The following CALD1 variants were observed in gnomAD, a reference collection of about 807,000 sequenced individuals.
The protein encoded by CALD1 is caldesmon.
A neutral mutation model predicts 99.9 loss-of-function variants in CALD1; 33 were observed. The observed-to-expected ratio is 0.33, with a 90% CI of 0.25 to 0.44. CALD1 has a LOEUF of 0.44. Ranked by LOEUF, CALD1 falls within the 20% of genes least tolerant of loss-of-function variation. CALD1 has a pLI of 1.00. For synonymous variants in CALD1, 310 were observed against 325.0 expected (o/e 0.95, Z 0.50); for missense variants, 861 against 962.1 (o/e 0.89, Z 1.39).
At chr7:134,763,018 C>T (rs1796792462) in intron 1 of CALD1, among the ~76,000 whole-genome samples, 1 of 152,168 alleles carries the variant, frequency 6.6e-6, no homozygotes, top group African/African-American at 2.4e-5. Flanking sequence ...AGATCTAGAT[C>T]TAGGACCATA....
chr7:134,900,780 G>C (rs1193654515), intron 3 of CALD1, among the ~76,000 whole-genome samples: 1 of 152,080 alleles, frequency 6.6e-6, no homozygotes, highest in South Asian at 2.1e-4. Context: ...CACAGTGGGT[G>C]CCTGATCAGT....
chr7:134,778,113 C>T (rs1228205253), upstream of CALD1, among the ~76,000 whole-genome samples: 8 of 152,140 alleles, frequency 5.3e-5, no homozygotes, highest in African/African-American at 1.9e-4. Context: ...GCCTGGGAGC[C>T]TCAGCTATAG....
chr7:134,964,998 C>T (rs1808561703), intron 13 of CALD1, among the ~76,000 whole-genome samples: 1 of 152,142 alleles, frequency 6.6e-6, no homozygotes, highest in Non-Finnish European at 1.5e-5. Context: ...CGCCTGTAAT[C>T]CCAGCTACTC....
intron 2 of CALD1, among the ~76,000 whole-genome samples, chr7:134,861,751 A>G (rs1334913822): frequency 6.6e-6 from 1 of 152,246 alleles, no homozygotes; most frequent in Non-Finnish European, 1.5e-5. Context: ...TAGCTGAATC[A>G]TGAAATTTAC....
intron 1 of CALD1, among the ~76,000 whole-genome samples, chr7:134,766,733 T>A (rs1362512724): frequency 1.3e-5 from 2 of 151,772 alleles, no homozygotes; most frequent in East Asian, 3.9e-4. Flanking sequence ...AAGAAGAAAA[T>A]GTCAAGAGGC....
chr7:134,913,679 CA>C (rs1803989246), intron 3 of CALD1, among the ~76,000 whole-genome samples: 1 of 125,206 alleles, frequency 8.0e-6, no homozygotes, highest in Non-Finnish European at 1.9e-5. Flanking sequence ...CATGGATCAC[CA>C]AACTTTTTTG....
intron 9 of CALD1, among the ~76,000 whole-genome samples, chr7:134,956,345 A>G (rs1807772456): frequency 6.6e-6 from 1 of 152,202 alleles, no homozygotes; most frequent in African/African-American, 2.4e-5. Context: ...TATCCCCTCA[A>G]AATTCATATG....
At chr7:134,869,014 T>C (rs1370193239) in intron 3 of CALD1, among the ~76,000 whole-genome samples, 1 of 152,218 alleles carries the variant, frequency 6.6e-6, no homozygotes, top group Non-Finnish European at 1.5e-5. Flanking sequence ...TTTTCATAAA[T>C]GATAGCTATT....
chr7:134,932,814 A>C (rs931676496), intron 4 of CALD1, among the ~76,000 whole-genome samples, 174 bp from the exon 5 acceptor site: 1 of 152,214 alleles, frequency 6.6e-6, no homozygotes, highest in Non-Finnish European at 1.5e-5. Context: ...AAGGCTTGCA[A>C]ATGCTGTCAG....
intron 1 of CALD1, among the ~76,000 whole-genome samples, chr7:134,829,483 G>A (rs1799136603): frequency 6.6e-6 from 1 of 152,266 alleles, no homozygotes; most frequent in Admixed American, 6.5e-5. Context: ...TAAGAAGTAT[G>A]CCTTTGTCAT....
intron 9 of CALD1, 41 bp downstream of exon 9, chr7:134,950,555 A>T: frequency 6.5e-7 from 1 of 1,549,736 alleles, no homozygotes; most frequent in Middle Eastern, 1.7e-4. Context: ...AATATGATAG[A>T]GACTGGATTT....
chr7:134,904,709 AG>A (rs1803244281), intron 3 of CALD1, among the ~76,000 whole-genome samples: 1 of 152,144 alleles, frequency 6.6e-6, no homozygotes, highest in African/African-American at 2.4e-5. Flanking sequence ...CTTTGTGATC[AG>A]GAAGTATTCG....
chr7:134,727,771 T>C, the CALD1 span, among the ~76,000 whole-genome samples: 2 of 152,218 alleles, frequency 1.3e-5, no homozygotes, highest in Non-Finnish European at 2.9e-5. Context: ...ACTTCTCACA[T>C]AGTACAAGTG....
rs1418978729 is a variant in CALD1 at position 134,880,646 on chromosome 7, G to C, written c.71+12842G>C. Among the ~76,000 whole-genome samples the C allele has an allele frequency of 2.0e-5, 3 of 150,608 alleles. No individual in the cohort carries two copies. The East Asian group carries it at 5.8e-4, about 29-fold the overall frequency. On this transcript the variant is annotated intron_variant, in intron 3 of 14. Coordinates refer to ENST00000361675, the MANE Select transcript of CALD1 (RefSeq NM_033138.4). Reference sequence around the variant, plus strand: ...ATCTTTTTTTAGTGGAGTTTCATTTGGGGGATCTAACATTCCCTCACTATT... The same window carrying C: ...ATCTTTTTTTAGTGGAGTTTCATTTCGGGGATCTAACATTCCCTCACTATT...
intron 8 of CALD1, among the ~76,000 whole-genome samples, chr7:134,949,207 A>G (rs1378589021): frequency 6.6e-6 from 1 of 152,188 alleles, no homozygotes; most frequent in Non-Finnish European, 1.5e-5. Context: ...AAGGCTGAAG[A>G]GAAATCACGA....
the CALD1 span, among the ~76,000 whole-genome samples, chr7:134,723,673 G>T: frequency 6.6e-6 from 1 of 150,554 alleles, no homozygotes; most frequent in South Asian, 2.1e-4. Context: ...GGCATGTCTG[G>T]AAATATTTCT....
intron 7 of CALD1, 29 bp downstream of exon 7, chr7:134,941,266 C>A: frequency 6.5e-7 from 1 of 1,536,968 alleles, no homozygotes; most frequent in Non-Finnish European, 8.8e-7. Flanking sequence ...TTAATAGAAA[C>A]TGTGTTCACA....
intron 3 of CALD1, chr7:134,920,557 G>A: frequency 7.9e-7 from 1 of 1,267,444 alleles, no homozygotes; most frequent in South Asian, 1.3e-5. Context: ...CAGAAAGCTG[G>A]GGACAGAATA....
At chr7:134,885,540 C>CA (rs769407638) in intron 3 of CALD1, among the ~76,000 whole-genome samples, 3 of 152,118 alleles carry the variant, frequency 2.0e-5, no homozygotes, top group Non-Finnish European at 2.9e-5. Flanking sequence ...TATCCAGATG[C>CA]AAAAGGTGGA....
Sources: gnomAD v4.1 joint callset for allele counts (sites outside exome capture counted in the v4.1 genomes callset) on GRCh38, gnomAD v4.1.1 for gene constraint, MANE v1.5 for transcripts, NCBI Gene and HGNC (gene_info 2026-07-23, HGNC 2026-07-21) for gene names.